Variants in LDLRAD4 observed in about 807,000 individuals in gnomAD.
LDLRAD4 encodes low density lipoprotein receptor class A domain containing 4, also known as low-density lipoprotein receptor class A domain-containing protein 4.
A neutral mutation model predicts 17.0 loss-of-function variants in LDLRAD4; 5 were observed. That is an observed-to-expected ratio of 0.29 (90% CI 0.15 to 0.62). The LOEUF is 0.62. LDLRAD4 is among the 20% of genes least tolerant of loss of function. The pLI, the probability that LDLRAD4 is intolerant of heterozygous loss-of-function variation, is 0.84. For synonymous variants in LDLRAD4, 168 were observed against 171.8 expected, an observed-to-expected ratio of 0.98 and a Z score of 0.17; for missense variants, 340 against 424.7, an observed-to-expected ratio of 0.80 and a Z score of 1.75.
chr18:13,461,179 G>C (rs2092412422), intron 3 of LDLRAD4: 1 of 152,436 alleles, frequency 6.6e-6, no homozygotes, highest in South Asian at 2.1e-4. Context: ...CTGTCGTGCA[G>C]ATGAATGTGT....
chr18:13,445,156 G>A (rs1238249546), intron 3 of LDLRAD4, among the ~76,000 whole-genome samples: 1 of 152,190 alleles, frequency 6.6e-6, no homozygotes, highest in African/African-American at 2.4e-5. Flanking sequence ...CATCTGCTGT[G>A]TAGGAAGGAC....
At chr18:13,481,227 C>A (rs745622510) in intron 3 of LDLRAD4, among the ~76,000 whole-genome samples, 13 of 152,184 alleles carry the variant, frequency 8.5e-5, no homozygotes, top group Non-Finnish European at 1.9e-4. Context: ...AGAGTGAACA[C>A]CCTGCTTTGA....
chr18:13,559,080 AG>A (rs964772590), intron 3 of LDLRAD4, among the ~76,000 whole-genome samples: 3 of 152,352 alleles, frequency 2.0e-5, no homozygotes, highest in Admixed American at 2.0e-4. Flanking sequence ...ATTAGATAAA[AG>A]TAAGCAGGGA....
chr18:13,268,493 C>T (rs1167648203), intron 1 of LDLRAD4, among the ~76,000 whole-genome samples: 1 of 152,266 alleles, frequency 6.6e-6, no homozygotes, highest in African/African-American at 2.4e-5. Flanking sequence ...AGGAGCCTCA[C>T]ACCGCAGGCT....
At chr18:13,497,351 G>GT (rs36009823) in intron 3 of LDLRAD4, among the ~76,000 whole-genome samples, 75,745 of 151,366 alleles carry the variant, frequency 0.5, 21,648 homozygotes, top group South Asian at 0.71. Context: ...TAATTTGTTT[G>GT]TTTTTTTTGT....
chr18:13,557,016 C>T (rs560712450), intron 3 of LDLRAD4, among the ~76,000 whole-genome samples: 470 of 152,260 alleles, frequency 3.1e-3, no homozygotes, highest in Non-Finnish European at 4.9e-3. Context: ...TAAGCACGGC[C>T]AGGCTCAGTG....
intron 3 of LDLRAD4, among the ~76,000 whole-genome samples, chr18:13,564,194 C>T (rs561908409): frequency 9.8e-5 from 15 of 152,338 alleles, no homozygotes; most frequent in Admixed American, 9.8e-4. Flanking sequence ...AGGCCATTTT[C>T]AAACTCCCAG....
intron 3 of LDLRAD4, among the ~76,000 whole-genome samples, chr18:13,517,564 G>A (rs1471104949): frequency 2.0e-5 from 3 of 152,196 alleles, no homozygotes; most frequent in Non-Finnish European, 4.4e-5. Flanking sequence ...AGGGCGGCCC[G>A]TGGATGCCTG....
At chr18:13,620,989 C>A in intron 3 of LDLRAD4, 128 bp from the exon 5 acceptor site, 1 of 1,306,464 alleles carries the variant, frequency 7.7e-7, no homozygotes, top group Non-Finnish European at 1.1e-6. Flanking sequence ...CTGTGTCCTG[C>A]TGGCCTCTGA....
intron 3 of LDLRAD4, among the ~76,000 whole-genome samples, chr18:13,554,960 A>G (rs560861233): frequency 6.6e-6 from 1 of 152,310 alleles, no homozygotes; most frequent in South Asian, 2.1e-4. Flanking sequence ...CAGTGCTATA[A>G]TGTGCCGGAA....
chr18:13,466,472 CA>C (rs5823251), intron 3 of LDLRAD4, among the ~76,000 whole-genome samples: 106 of 108,406 alleles, frequency 9.8e-4, no homozygotes, highest in East Asian at 1.4e-3. Flanking sequence ...CTTGTTTCAC[CA>C]AAAAAAAAAA....
intron 3 of LDLRAD4, among the ~76,000 whole-genome samples, chr18:13,455,500 C>T (rs1407087976): frequency 6.6e-6 from 1 of 151,404 alleles, no homozygotes; most frequent in East Asian, 1.9e-4. Context: ...TGCAGGGGCA[C>T]CTGCTCCTGC....
At chr18:13,575,745 G>T (rs548537775) in intron 3 of LDLRAD4, among the ~76,000 whole-genome samples, 3 of 152,240 alleles carry the variant, frequency 2.0e-5, no homozygotes, top group East Asian at 1.9e-4. Flanking sequence ...GTTATTTTTT[G>T]ATTTTTGGAT....
chr18:13,346,255 T>G (rs2082680637), intron 1 of LDLRAD4, among the ~76,000 whole-genome samples: 1 of 152,224 alleles, frequency 6.6e-6, no homozygotes, highest in South Asian at 2.1e-4. Context: ...TTTGAATGTG[T>G]CCCAGAGATT....
chr18:13,548,258 C>T (rs1055697367), intron 3 of LDLRAD4, among the ~76,000 whole-genome samples: 6 of 148,470 alleles, frequency 4.0e-5, no homozygotes, highest in Admixed American at 6.7e-5. Context: ...GAAAAAGCAC[C>T]GTAAGTTCTC....
intron 1 of LDLRAD4, among the ~76,000 whole-genome samples, chr18:13,369,657 C>G (rs1387551030): frequency 6.6e-6 from 1 of 152,184 alleles, no homozygotes; most frequent in Non-Finnish European, 1.5e-5. Flanking sequence ...GTGATCTGAG[C>G]AGATGTGTGT....
intron 1 of LDLRAD4, among the ~76,000 whole-genome samples, chr18:13,382,117 A>G (rs1055406177): frequency 9.2e-5 from 14 of 152,358 alleles, no homozygotes; most frequent in African/African-American, 3.4e-4. Context: ...CCACAGCAGG[A>G]GGAAATAAAA....
intron 1 of LDLRAD4, among the ~76,000 whole-genome samples, chr18:13,254,789 T>C (rs538137246): frequency 1.4e-4 from 22 of 152,244 alleles, no homozygotes; most frequent in South Asian, 6.2e-4. Context: ...GTAGGGAAAC[T>C]GTTGTCTTTA....
intron 3 of LDLRAD4, among the ~76,000 whole-genome samples, chr18:13,596,261 G>T (rs1001613923): frequency 1.2e-4 from 19 of 152,028 alleles, no homozygotes; most frequent in South Asian, 6.2e-4. Flanking sequence ...TGCTATCTTT[G>T]ATTCTAAATT....
Sources: allele counts gnomAD v4.1 joint callset (sites outside exome capture counted in the v4.1 genomes callset), GRCh38; gene constraint gnomAD v4.1.1; transcripts MANE v1.5; gene names NCBI Gene and HGNC (gene_info 2026-07-23, HGNC 2026-07-21).